The following ELMO1 variants were observed in gnomAD, a reference collection of about 807,000 sequenced individuals.
The protein encoded by ELMO1 is engulfment and cell motility 1.
ELMO1 carries 26 observed loss-of-function variants against 98.9 expected under a neutral mutation model. The ratio of observed to expected loss-of-function variants is 0.26; its 90% confidence interval spans 0.19 to 0.36. The LOEUF is 0.36. Among genes scored for constraint, ELMO1 ranks in the 10% least tolerant of loss-of-function variants. The probability of loss-of-function intolerance (pLI) is 1.00; values close to 1 mark genes in which losing one functional copy is unlikely to be tolerated. For missense variants in ELMO1, 627 were observed against 935.2 expected (o/e 0.67, Z 4.30); for synonymous variants, 346 against 346.0 (o/e 1.00, Z 0.00).
At position 37,096,610 on chromosome 7, in the gene ELMO1, T is replaced by C. The variant is rs2129257135; in HGVS notation, c.1300+9A>G. On this transcript the variant is annotated intron_variant, in intron 15 of 21. Transcript: ENST00000310758. ...GCTTCACACCCATGTGGGAAATAAG[T>C]ATACTTACGCAACTCGCCCACTTTC... 6.2e-7 allele frequency: 1 copy of C among 1,613,124 alleles called. No individual in the cohort carries two copies. Among genetic ancestry groups the C allele is most frequent in the East Asian group, 2.2e-5 (1 of 44,874 alleles).
At chr7:37,075,448 C>A (rs1797524391) in intron 15 of ELMO1, among the ~76,000 whole-genome samples, 1 of 152,096 alleles carries the variant, frequency 6.6e-6, no homozygotes, top group Non-Finnish European at 1.5e-5. Flanking sequence ...AGCCACCACG[C>A]CCGGCCTCAT....
chr7:37,219,575 T>C (rs116160135), intron 10 of ELMO1, among the ~76,000 whole-genome samples: 1,647 of 152,238 alleles, frequency 0.011, 34 homozygotes, highest in African/African-American at 0.037. Flanking sequence ...AGTGAGAAAA[T>C]GGGCTTGGTG....
intron 15 of ELMO1, among the ~76,000 whole-genome samples, chr7:37,015,913 G>C (rs1322498432): frequency 6.6e-6 from 1 of 152,208 alleles, no homozygotes; most frequent in Non-Finnish European, 1.5e-5. Context: ...GATGGCAAAT[G>C]TGAAGTTTTG....
chr7:37,402,070 T>C (rs2131462639), intron 1 of ELMO1, among the ~76,000 whole-genome samples: 1 of 152,366 alleles, frequency 6.6e-6, no homozygotes, highest in East Asian at 1.9e-4. Flanking sequence ...AAGACTCCTG[T>C]GGCACGTAAA....
intron 16 of ELMO1, among the ~76,000 whole-genome samples, chr7:36,896,852 G>C (rs755438973): frequency 2.0e-5 from 3 of 152,180 alleles, no homozygotes; most frequent in South Asian, 2.1e-4. Context: ...TGCCCACTTA[G>C]AGAGACTTAG....
intron 1 of ELMO1, among the ~76,000 whole-genome samples, chr7:37,447,933 G>A (rs1038591401): frequency 4.6e-5 from 7 of 151,264 alleles, no homozygotes; most frequent in Non-Finnish European, 1.0e-4. Context: ...CTGAAGGCGC[G>A]CCCGGTGCGT....
chr7:37,406,644 G>A (rs930056799), intron 1 of ELMO1, among the ~76,000 whole-genome samples: 8 of 151,750 alleles, frequency 5.3e-5, no homozygotes, highest in Admixed American at 2.6e-4. Context: ...GGGTTTCACC[G>A]TGTTAGGCAG....
chr7:37,092,273 C>T (rs371838888), intron 15 of ELMO1, among the ~76,000 whole-genome samples: 4 of 151,410 alleles, frequency 2.6e-5, no homozygotes, highest in African/African-American at 7.3e-5. Flanking sequence ...CTAGATCCAG[C>T]TGTCATTTAT....
intron 4 of ELMO1, among the ~76,000 whole-genome samples, chr7:37,274,577 GA>G (rs1315041051): frequency 1.3e-5 from 2 of 152,132 alleles, no homozygotes; most frequent in Non-Finnish European, 2.9e-5. Context: ...TTCCCAGAAG[GA>G]GTCTCGTTCT....
intron 1 of ELMO1, among the ~76,000 whole-genome samples, chr7:37,431,915 C>T (rs1191431022): frequency 6.6e-6 from 1 of 152,096 alleles, no homozygotes. Context: ...GAGTTTCGCT[C>T]TTGTTGCCCA....
chr7:36,886,211 C>T (rs1057439421), intron 18 of ELMO1, among the ~76,000 whole-genome samples: 2 of 152,346 alleles, frequency 1.3e-5, no homozygotes, highest in Middle Eastern at 3.4e-3. Flanking sequence ...TTCTCTGTAA[C>T]TCAGCCCTTA....
In ELMO1 at chr7:37,053,945, G is replaced by T. The variant is rs1483557383; in HGVS notation, c.1301-40510C>A. On this transcript the variant is annotated intron_variant, in intron 15 of 21. Transcript: ENST00000310758. ...AGAACATTAAAAAATCTTTAATTATGAAATAAATACTCCTCTTGGTTTGGG... is the reference window on the plus strand; with the variant it reads ...AGAACATTAAAAAATCTTTAATTATTAAATAAATACTCCTCTTGGTTTGGG... Among the ~76,000 whole-genome samples, 5 of 152,204 alleles carry T rather than the reference G, an allele frequency of 3.3e-5. No homozygotes were observed. The South Asian group carries it at 8.3e-4, about 25-fold the overall frequency.
At chr7:37,401,550 TG>T (rs1409720491) in intron 1 of ELMO1, among the ~76,000 whole-genome samples, 1 of 152,188 alleles carries the variant, frequency 6.6e-6, no homozygotes, top group African/African-American at 2.4e-5. Context: ...CAGTTCAGCA[TG>T]GCTAAGGAGG....
intron 4 of ELMO1, among the ~76,000 whole-genome samples, chr7:37,296,036 C>T (rs1277826565): frequency 6.6e-6 from 1 of 152,166 alleles, no homozygotes; most frequent in African/African-American, 2.4e-5. Context: ...TTTAAAACAG[C>T]ACAGATATAT....
intron 13 of ELMO1, among the ~76,000 whole-genome samples, chr7:37,159,706 AAT>A (rs1789068729): frequency 1.3e-5 from 2 of 151,246 alleles, no homozygotes; most frequent in African/African-American, 2.4e-5. Flanking sequence ...CTCAAAAAAT[AAT>A]AATAATAATA....
In ELMO1 at chr7:36,855,305, C is replaced by T; in HGVS notation, c.*246G>A. ...CTGGCAGTGGGCTTTGCTCTTGTCC[C>T]ACCAGTGGACTGCAGCCATGGGAAG... On this transcript the variant is annotated 3_prime_UTR_variant, in exon 22 of 22. Coordinates refer to ENST00000310758, the MANE Select transcript of ELMO1 (RefSeq NM_014800.11). The surrounding 1 kb of genome is among the most constrained non-coding windows in gnomAD (Gnocchi z 4.2). The T allele has an allele frequency of 1.9e-6, 1 of 536,130 alleles. No individual in the cohort carries two copies. The highest frequency in any genetic ancestry group is 3.4e-6 in the Non-Finnish European group (1 of 297,632). 33.2% of individuals were successfully genotyped at this position (536,130 alleles called of 1,614,324 possible).
At chr7:36,964,163 G>A (rs1038505443) in intron 16 of ELMO1, among the ~76,000 whole-genome samples, 3 of 152,132 alleles carry the variant, frequency 2.0e-5, no homozygotes, top group African/African-American at 4.8e-5. Flanking sequence ...GAGAATTGTT[G>A]ATGAATTATT....
intron 1 of ELMO1, among the ~76,000 whole-genome samples, chr7:37,389,125 C>G (rs941850956): frequency 1.3e-5 from 2 of 152,066 alleles, no homozygotes; most frequent in Admixed American, 6.5e-5. Context: ...AATGCAACAC[C>G]AAAGCACTAC....
intron 1 of ELMO1, among the ~76,000 whole-genome samples, chr7:37,403,976 G>A (rs1341766280): frequency 6.6e-6 from 1 of 152,082 alleles, no homozygotes; most frequent in Non-Finnish European, 1.5e-5. Context: ...GCAAGATGCT[G>A]ATAATAGGGA....
Sources: allele counts gnomAD v4.1 joint callset (sites outside exome capture counted in the v4.1 genomes callset), GRCh38; gene constraint gnomAD v4.1.1; non-coding constraint Gnocchi (gnomAD v3.1); transcripts MANE v1.5; gene names NCBI Gene and HGNC (gene_info 2026-07-23, HGNC 2026-07-21).